The following AUTS2 variants were observed in gnomAD, a reference collection of about 807,000 sequenced individuals.
The protein encoded by AUTS2 is autism susceptibility gene 2 protein.
AUTS2 carries 17 observed loss-of-function variants against 112.4 expected under a neutral mutation model. The ratio of observed to expected loss-of-function variants is 0.15; its 90% CI spans 0.10 to 0.23. The LOEUF (loss-of-function observed/expected upper bound fraction) is 0.23. Ranked by LOEUF, AUTS2 falls within the 10% of genes least tolerant of loss-of-function variation. The probability of loss-of-function intolerance (pLI) is 1.00; values close to 1 mark genes in which losing one functional copy is unlikely to be tolerated. For missense variants in AUTS2, 1,510 were observed against 1,701.6 expected (o/e 0.89, Z 1.98); for synonymous variants, 751 against 702.7 (o/e 1.07, Z -1.09).
intron 2 of AUTS2, among the ~76,000 whole-genome samples, chr7:70,073,510 C>CAAA (rs778228658): frequency 2.3e-3 from 151 of 65,232 alleles, no homozygotes; most frequent in African/African-American, 8.0e-3. Flanking sequence ...GACCTCATCT[C>CAAA]AAAAAAAAAA....
chr7:70,415,196 T>C (rs1794939601), intron 4 of AUTS2, among the ~76,000 whole-genome samples: 1 of 152,158 alleles, frequency 6.6e-6, no homozygotes, highest in Non-Finnish European at 1.5e-5. Flanking sequence ...CCGATGATAA[T>C]GCCTTCATGA....
chr7:69,960,849 T>G (rs1441188869), intron 2 of AUTS2, among the ~76,000 whole-genome samples: 3 of 152,142 alleles, frequency 2.0e-5, no homozygotes, highest in African/African-American at 7.2e-5. Context: ...TTTTAATCCC[T>G]CTTACTGCTT....
In AUTS2 at chr7:70,329,802, C is replaced by A. The variant is rs143416946; in HGVS notation, c.661-105950C>A. Among the ~76,000 whole-genome samples the A allele has an allele frequency of 2.2e-3, 331 of 152,050 alleles. 3 individuals carry two copies. Among genetic ancestry groups the A allele is most frequent in the African/African-American group, 7.6e-3 (317 of 41,468 alleles). ...AGCCTGTTTATTCTGTTGTAACAAA[C>A]TACTTGACACTAGAGAATTTATAAA... On this transcript the variant is annotated intron_variant, in intron 4 of 18. Transcript: ENST00000342771.
At chr7:70,370,404 G>A (rs1213350177) in intron 4 of AUTS2, among the ~76,000 whole-genome samples, 1 of 152,110 alleles carries the variant, frequency 6.6e-6, no homozygotes, top group African/African-American at 2.4e-5. Context: ...CCTATTCTGG[G>A]CATTTCATAC....
chr7:69,673,816 A>G (rs1796444122), intron 1 of AUTS2, among the ~76,000 whole-genome samples: 1 of 152,180 alleles, frequency 6.6e-6, no homozygotes, highest in African/African-American at 2.4e-5. Flanking sequence ...TGCTCCAGGG[A>G]AAAGGAGATT....
intron 2 of AUTS2, among the ~76,000 whole-genome samples, chr7:70,053,911 T>A (rs185693703): frequency 8.5e-4 from 129 of 152,328 alleles, no homozygotes; most frequent in Non-Finnish European, 1.1e-3. Context: ...ATGGGAATTC[T>A]GTGTGCTTTT....
intron 5 of AUTS2, among the ~76,000 whole-genome samples, chr7:70,520,967 C>T (rs927558960): frequency 6.6e-6 from 1 of 152,072 alleles, no homozygotes; most frequent in African/African-American, 2.4e-5. Flanking sequence ...TGCAGATGTC[C>T]TTGCATTGGT....
In AUTS2 at chr7:70,762,922, G is replaced by A. The variant is rs781483382; in HGVS notation, c.795G>A (p.Gly265=). 15 of 1,614,004 alleles carry A rather than the reference G, an allele frequency of 9.3e-6. No homozygotes were observed. The highest frequency in any genetic ancestry group is 1.3e-5 in the African/African-American group (1 of 74,920). The part of the protein sequence containing the change: ...TLPEHDSQDA[G]PIVPKISGLE... ...CAGAACATGACAGCCAGGATGCAGG[G>A]CCGATTGTCCCCAAGATATCGGGTC... The change falls in exon 7 of 19, where the codon GGG becomes GGA. Residue 265 remains glycine (G), a synonymous_variant. Transcript: ENST00000342771.
intron 5 of AUTS2, among the ~76,000 whole-genome samples, chr7:70,684,544 TGTGGC>T (rs111470904): frequency 2.0e-5 from 3 of 147,708 alleles, no homozygotes; most frequent in East Asian, 2.0e-4. Flanking sequence ...TGTGGTGTGG[TGTGGC>T]GTGGCGTGGC....
intron 5 of AUTS2, among the ~76,000 whole-genome samples, chr7:70,642,171 A>C (rs1350732386): frequency 6.6e-6 from 1 of 152,058 alleles, no homozygotes; most frequent in African/African-American, 2.4e-5. Context: ...CATTTTTCTG[A>C]GTTTCTGATT....
intron 1 of AUTS2, among the ~76,000 whole-genome samples, chr7:69,610,803 A>T (rs1250658335): frequency 6.6e-6 from 1 of 152,078 alleles, no homozygotes; most frequent in African/African-American, 2.4e-5. Flanking sequence ...TGTCATAACC[A>T]CTTCAGAGTC....
intron 4 of AUTS2, among the ~76,000 whole-genome samples, chr7:70,320,230 A>G (rs1222980960): frequency 2.0e-5 from 3 of 152,242 alleles, no homozygotes; most frequent in African/African-American, 4.8e-5. Flanking sequence ...TATCATCTTC[A>G]GGAAGCTACT....
At chr7:69,834,239 G>A (rs1791623909) in intron 1 of AUTS2, among the ~76,000 whole-genome samples, 2 of 152,290 alleles carry the variant, frequency 1.3e-5, no homozygotes, top group East Asian at 1.9e-4. Context: ...TGTTACCCTA[G>A]TGCGTGCAAT....
intron 5 of AUTS2, among the ~76,000 whole-genome samples, chr7:70,539,953 C>T (rs1329117164): frequency 6.6e-6 from 1 of 152,184 alleles, no homozygotes; most frequent in African/African-American, 2.4e-5. Context: ...TGAGGAAGCC[C>T]GGTTTCCACT....
intron 2 of AUTS2, among the ~76,000 whole-genome samples, chr7:70,086,802 C>G (rs559328517): frequency 6.6e-6 from 1 of 152,016 alleles, no homozygotes; most frequent in East Asian, 1.9e-4. Flanking sequence ...GTACAGTTAA[C>G]TTTTGTATAT....
At chr7:70,720,599 C>A (rs1222716646) in intron 6 of AUTS2, among the ~76,000 whole-genome samples, 3 of 152,136 alleles carry the variant, frequency 2.0e-5, no homozygotes, top group Non-Finnish European at 4.4e-5. Flanking sequence ...CTCTGGTTCC[C>A]TCTAAAAAGG....
intron 6 of AUTS2, among the ~76,000 whole-genome samples, chr7:70,706,433 G>GAGGGATCCAC (rs1320887891): frequency 6.6e-6 from 1 of 152,218 alleles, no homozygotes; most frequent in Non-Finnish European, 1.5e-5. Flanking sequence ...CAGAAGAGAA[G>GAGGGATCCAC]AGGGATCCAC....
chr7:70,132,200 G>A (rs1255305025), intron 3 of AUTS2, among the ~76,000 whole-genome samples: 2 of 149,106 alleles, frequency 1.3e-5, no homozygotes, highest in Admixed American at 6.7e-5. Context: ...AGTACAGTAG[G>A]TTGGCACATG....
At chr7:70,171,573 CAGAATT>C (rs1343053016) in intron 4 of AUTS2, among the ~76,000 whole-genome samples, 2 of 152,178 alleles carry the variant, frequency 1.3e-5, no homozygotes, top group Non-Finnish European at 2.9e-5. Flanking sequence ...AAACATGACT[CAGAATT>C]AGAGTTTCAG....
Sources: gnomAD v4.1 joint callset for allele counts (sites outside exome capture counted in the v4.1 genomes callset) on GRCh38, gnomAD v4.1.1 for gene constraint, MANE v1.5 for transcripts, NCBI Gene and HGNC (gene_info 2026-07-23, HGNC 2026-07-21) for gene names.